The following FAM168A variants were observed in gnomAD, a reference collection of about 807,000 sequenced individuals.
FAM168A encodes the protein family with sequence similarity 168 member A.
FAM168A carries 3 observed loss-of-function variants against 28.5 expected under a neutral mutation model. That is an observed-to-expected ratio of 0.11 (90% CI 0.05 to 0.27). The LOEUF (loss-of-function observed/expected upper bound fraction) is 0.27, where lower values mean the gene tolerates loss of function less well. Ranked by LOEUF, FAM168A falls within the 10% of genes least tolerant of loss-of-function variation. The pLI is 1.00. For synonymous variants in FAM168A, 122 were observed against 124.2 expected (o/e 0.98, Z 0.12); for missense variants, 222 against 311.5 (o/e 0.71, Z 2.16).
intron 1 of FAM168A, among the ~76,000 whole-genome samples, chr11:73,493,565 G>A (rs1158014303): frequency 6.6e-6 from 1 of 152,060 alleles, no homozygotes; most frequent in Non-Finnish European, 1.5e-5. Flanking sequence ...ACCGACGTGT[G>A]CCACCATGCT....
At chr11:73,484,614 A>C (rs138772551) in intron 1 of FAM168A, among the ~76,000 whole-genome samples, 4,382 of 118,900 alleles carry the variant, frequency 0.037, 223 homozygotes, top group African/African-American at 0.12. Context: ...ATATCGATAT[A>C]TATCTATATA....
intron 5 of FAM168A, among the ~76,000 whole-genome samples, chr11:73,411,128 G>A (rs903259948): frequency 6.6e-6 from 1 of 152,234 alleles, no homozygotes; most frequent in African/African-American, 2.4e-5. Flanking sequence ...AAGGAGTTGA[G>A]CTAGAAAATC....
At chr11:73,442,390 T>C (rs1034596298) in intron 2 of FAM168A, among the ~76,000 whole-genome samples, 19 of 152,174 alleles carry the variant, frequency 1.2e-4, no homozygotes, top group African/African-American at 4.6e-4. Flanking sequence ...CCTCCCAAAG[T>C]GCTGGGATTA....
chr11:73,592,809 C>G (rs1175220956), intron 1 of FAM168A, among the ~76,000 whole-genome samples: 1 of 151,502 alleles, frequency 6.6e-6, no homozygotes, highest in East Asian at 1.9e-4. Context: ...TTTGTAAGCA[C>G]TTTGGGAGGC....
intron 1 of FAM168A, among the ~76,000 whole-genome samples, chr11:73,554,733 T>C (rs182692409): frequency 7.9e-5 from 12 of 152,334 alleles, no homozygotes; most frequent in East Asian, 7.7e-4. Flanking sequence ...CTACTGAGAA[T>C]TGACACAAAT....
At chr11:73,533,158 G>A (rs2134666615) in intron 1 of FAM168A, among the ~76,000 whole-genome samples, 1 of 152,244 alleles carries the variant, frequency 6.6e-6, no homozygotes, top group South Asian at 2.1e-4. Context: ...ACTTCAGATT[G>A]TCCAATCTAT....
At chr11:73,549,129 A>G (rs1943795326) in intron 1 of FAM168A, among the ~76,000 whole-genome samples, 1 of 152,038 alleles carries the variant, frequency 6.6e-6, no homozygotes, top group South Asian at 2.1e-4. Context: ...TTTAGTAGAG[A>G]TGGGGTTTCA....
chr11:73,558,561 C>T (rs115398252), intron 1 of FAM168A, among the ~76,000 whole-genome samples: 2,006 of 148,296 alleles, frequency 0.014, 44 homozygotes, highest in African/African-American at 0.046. Context: ...GTCTGGAATC[C>T]GGACTATATA....
At chr11:73,576,234 C>T (rs1453271788) in intron 1 of FAM168A, among the ~76,000 whole-genome samples, 3 of 152,194 alleles carry the variant, frequency 2.0e-5, no homozygotes, top group Non-Finnish European at 4.4e-5. Flanking sequence ...AAAACTGGCT[C>T]TGTTCTGGGC....
At chr11:73,443,295 A>G (rs1410835423) in intron 2 of FAM168A, among the ~76,000 whole-genome samples, 1 of 152,160 alleles carries the variant, frequency 6.6e-6, no homozygotes, top group African/African-American at 2.4e-5. Context: ...CTAAATAAAT[A>G]CTTATTTGAG....
rs1216738462 is a variant in FAM168A, at chr11:73,404,545, T to C, written c.*2218A>G. ...AACCAAAGAGGGTGGAAGGAGGTATTTGCAAAAAGTGAATTAACACTGGAA... is the reference window on the plus strand; with the variant it reads ...AACCAAAGAGGGTGGAAGGAGGTATCTGCAAAAAGTGAATTAACACTGGAA... On this transcript the variant is annotated 3_prime_UTR_variant, in exon 8 of 8. Transcript: ENST00000356467. The C allele has an allele frequency of 1.3e-5, 2 of 152,198 alleles. No individual in the cohort carries two copies. The highest frequency in any genetic ancestry group is 2.4e-5 in the African/African-American group (1 of 41,440). 9.4% of individuals were successfully genotyped at this position (152,198 alleles called of 1,614,324 possible).
chr11:73,568,524 G>A (rs769161145), intron 1 of FAM168A, among the ~76,000 whole-genome samples: 1 of 152,204 alleles, frequency 6.6e-6, no homozygotes, highest in Non-Finnish European at 1.5e-5. Context: ...TGACATGACT[G>A]TATTTGAATG....
chr11:73,450,621 T>C (rs1048803448), intron 2 of FAM168A, among the ~76,000 whole-genome samples: 5 of 152,138 alleles, frequency 3.3e-5, no homozygotes, highest in African/African-American at 1.2e-4. Context: ...TTCACCTAGC[T>C]TATGGCCTTT....
chr11:73,484,396 C>T (rs1012449186), intron 1 of FAM168A, among the ~76,000 whole-genome samples: 1 of 151,436 alleles, frequency 6.6e-6, no homozygotes, highest in South Asian at 2.1e-4. Flanking sequence ...TATTCATATC[C>T]TTTTCTTCCC....
rs1866415764 is a variant in FAM168A, at chr11:73,401,767, CCTTTGGGTTGGA to C, written c.*4984_*4995del. ...CCCAACTCCTGTGTGCCTCGGTTGGCCTTTGGGTTGGACTCAACAGCATGCACCACAGAAGAT... is the reference window on the plus strand; with the variant it reads ...CCCAACTCCTGTGTGCCTCGGTTGGCCTCAACAGCATGCACCACAGAAGAT... On this transcript the variant is annotated 3_prime_UTR_variant, in exon 8 of 8. Coordinates refer to ENST00000356467, the MANE Select transcript of FAM168A (RefSeq NM_015159.3). 6.6e-6 allele frequency: 1 copy of C among 152,116 alleles called. No homozygotes were observed. The allele number at this position is 152,116 out of a possible 1,614,324, so 9.4% of individuals were successfully genotyped here. A position where few individuals can be genotyped will look rare whatever the true frequency, so the allele number is the denominator to read the frequency against.
rs574854140 is a variant in FAM168A, at chr11:73,433,068, C to CA, written c.71-2299_71-2298insT. On this transcript the variant is annotated intron_variant, in intron 2 of 7. Coordinates refer to ENST00000356467, the MANE Select transcript of FAM168A (RefSeq NM_015159.3). The stretch of plus-strand genomic sequence containing the variant: ...CTAGGCCTACAGGTGCGTGCCACCA[C>CA]GCCCCGCCTTTTTTTTTTTTTTTTT... Among the ~76,000 whole-genome samples, 221 of 140,730 alleles carry CA rather than the reference C, an allele frequency of 1.6e-3. 2 individuals are homozygous for CA. The highest frequency in any genetic ancestry group is 6.2e-3 in the African/African-American group (212 of 34,002). The allele number at this position is 140,730 out of a possible 152,430, so 92.3% of individuals were successfully genotyped here.
At chr11:73,547,975 C>T (rs961500479) in intron 1 of FAM168A, among the ~76,000 whole-genome samples, 2 of 152,018 alleles carry the variant, frequency 1.3e-5, no homozygotes, top group Admixed American at 6.6e-5. Context: ...GTGAAATAAG[C>T]CAGTCACAGA....
chr11:73,463,150 G>A (rs961474262), intron 2 of FAM168A, among the ~76,000 whole-genome samples: 2 of 151,562 alleles, frequency 1.3e-5, no homozygotes, highest in South Asian at 4.2e-4. Context: ...TGTATTTTTA[G>A]TAGAGACGGG....
chr11:73,569,112 C>T (rs1462724787), intron 1 of FAM168A, among the ~76,000 whole-genome samples: 1 of 152,170 alleles, frequency 6.6e-6, no homozygotes, highest in East Asian at 1.9e-4. Context: ...ACTGGCTCAA[C>T]TATATTTAAT....
Sources: allele counts gnomAD v4.1 joint callset (sites outside exome capture counted in the v4.1 genomes callset), GRCh38; gene constraint gnomAD v4.1.1; transcripts MANE v1.5; gene names NCBI Gene and HGNC (gene_info 2026-07-23, HGNC 2026-07-21).